EPHA5: variants seen among roughly 807,000 people sequenced by gnomAD.
The protein encoded by EPHA5 is ephrin type-A receptor 5.
A neutral mutation model predicts 105.0 loss-of-function variants in EPHA5; 60 were observed. That is an observed-to-expected ratio of 0.57 (90% confidence interval 0.46 to 0.71). The LOEUF is 0.71. EPHA5 is among the 30% of genes least tolerant of loss of function. The probability of loss-of-function intolerance (pLI) is 0.00; values close to 1 mark genes in which losing one functional copy is unlikely to be tolerated. For missense variants in EPHA5, 1,218 were observed against 1,274.7 expected, an observed-to-expected ratio of 0.96 and a Z score of 0.68; for synonymous variants, 513 against 449.1, an observed-to-expected ratio of 1.14 and a Z score of -1.80.
chr4:65,634,475 T>G (rs1407889532), intron 2 of EPHA5, among the ~76,000 whole-genome samples: 1 of 152,110 alleles, frequency 6.6e-6, no homozygotes, highest in Non-Finnish European at 1.5e-5. Context: ...TGTTTCCATG[T>G]GAGAAATCTA....
At chr4:65,669,448 G>C (rs953235662) in intron 1 of EPHA5, 114 bp downstream of exon 1, 73 of 1,250,302 alleles carry the variant, frequency 5.8e-5, no homozygotes, top group Non-Finnish European at 8.0e-6. Context: ...AATTTGAGAT[G>C]AGACTGCGAT....
At chr4:65,531,425 G>A (rs1178286722) in intron 3 of EPHA5, among the ~76,000 whole-genome samples, 1 of 152,168 alleles carries the variant, frequency 6.6e-6, no homozygotes, top group African/African-American at 2.4e-5. Flanking sequence ...GCTAGAACAG[G>A]AGTTTCTTTA....
At chr4:65,603,057 C>A (rs368920298) in intron 2 of EPHA5, among the ~76,000 whole-genome samples, 4 of 152,024 alleles carry the variant, frequency 2.6e-5, no homozygotes, top group African/African-American at 7.2e-5. Context: ...TAACTTCTTG[C>A]GATATGTTGG....
At chr4:65,514,996 A>G (rs994957331) in intron 3 of EPHA5, among the ~76,000 whole-genome samples, 1 of 152,130 alleles carries the variant, frequency 6.6e-6, no homozygotes, top group Non-Finnish European at 1.5e-5. Flanking sequence ...CAATAGCTGC[A>G]AACTCCACAA....
At chr4:65,326,950 A>C (rs1429304410) in intron 16 of EPHA5, among the ~76,000 whole-genome samples, 1 of 151,252 alleles carries the variant, frequency 6.6e-6, no homozygotes, top group Non-Finnish European at 1.5e-5. Context: ...CTTAAATTTG[A>C]AGCATGTATG....
chr4:65,589,861 G>A (rs1314872581), intron 3 of EPHA5, among the ~76,000 whole-genome samples: 2 of 152,136 alleles, frequency 1.3e-5, no homozygotes, highest in Non-Finnish European at 2.9e-5. Context: ...CATGGAAAAC[G>A]CTGGTGAAAT....
intron 11 of EPHA5, among the ~76,000 whole-genome samples, chr4:65,360,248 AG>A (rs1459930532): frequency 1.3e-5 from 2 of 151,712 alleles, no homozygotes; most frequent in African/African-American, 4.8e-5. Context: ...CATCACCCAA[AG>A]GTAAACTCTA....
At chr4:65,572,290 A>G (rs185976670) in intron 3 of EPHA5, among the ~76,000 whole-genome samples, 2 of 152,296 alleles carry the variant, frequency 1.3e-5, no homozygotes, top group South Asian at 2.1e-4. Flanking sequence ...GTTTTCAAGT[A>G]TATATACTAC....
intron 6 of EPHA5, 33 bp downstream of exon 6, chr4:65,420,408 A>C (rs1466683527): frequency 1.3e-6 from 2 of 1,528,152 alleles, no homozygotes; most frequent in East Asian, 4.8e-5. Flanking sequence ...AAAAAAAAGA[A>C]AGTGAGGACA....
At chr4:65,511,950 CAT>C (rs1420757864) in intron 3 of EPHA5, among the ~76,000 whole-genome samples, 4 of 151,886 alleles carry the variant, frequency 2.6e-5, no homozygotes, top group Non-Finnish European at 5.9e-5. Flanking sequence ...CAAGTGAAAA[CAT>C]GTGACAATAA....
At chr4:65,341,971 G>A (rs562002580) in intron 14 of EPHA5, among the ~76,000 whole-genome samples, 22 of 152,018 alleles carry the variant, frequency 1.4e-4, no homozygotes, top group Non-Finnish European at 2.6e-4. Flanking sequence ...AGATATATCC[G>A]TTTTTATTCT....
chr4:65,520,097 T>A (rs1288834082), intron 3 of EPHA5, among the ~76,000 whole-genome samples: 1 of 152,194 alleles, frequency 6.6e-6, no homozygotes, highest in Non-Finnish European at 1.5e-5. Context: ...AGAACAAAGC[T>A]GAAGGTATCA....
intron 3 of EPHA5, among the ~76,000 whole-genome samples, chr4:65,582,665 A>G (rs2149400389): frequency 6.6e-6 from 1 of 151,818 alleles, no homozygotes; most frequent in East Asian, 1.9e-4. Flanking sequence ...GAAAGAGGAA[A>G]AAAATGAATT....
At chr4:65,464,972 A>G (rs934786430) in intron 5 of EPHA5, among the ~76,000 whole-genome samples, 1 of 152,174 alleles carries the variant, frequency 6.6e-6, no homozygotes, top group Non-Finnish European at 1.5e-5. Context: ...GTTCTCAAAG[A>G]GCTTATAGCA....
intron 5 of EPHA5, among the ~76,000 whole-genome samples, chr4:65,448,535 C>A (rs1578140074): frequency 6.6e-6 from 1 of 152,168 alleles, no homozygotes; most frequent in Middle Eastern, 3.4e-3. Flanking sequence ...GTAGTCCCAG[C>A]TACTTGGGAA....
intron 5 of EPHA5, among the ~76,000 whole-genome samples, chr4:65,423,729 G>C (rs577593080): frequency 3.3e-5 from 5 of 150,032 alleles, no homozygotes; most frequent in African/African-American, 1.2e-4. Flanking sequence ...GATGCTCTAG[G>C]CTCATCTTGC....
At chr4:65,495,683 G>T in intron 3 of EPHA5, 140 bp from the exon 4 acceptor site, 1 of 618,488 alleles carries the variant, frequency 1.6e-6, no homozygotes, top group Non-Finnish European at 2.7e-6. Context: ...GTTTTCATAA[G>T]CTTCTGGATC....
intron 5 of EPHA5, among the ~76,000 whole-genome samples, chr4:65,453,255 A>G (rs144144923): frequency 4.7e-4 from 72 of 152,342 alleles, no homozygotes; most frequent in African/African-American, 1.6e-3. Flanking sequence ...ACAAATCTAC[A>G]TAAATCACTA....
intron 8 of EPHA5, among the ~76,000 whole-genome samples, chr4:65,369,225 C>A (rs1191781448): frequency 6.6e-6 from 1 of 152,116 alleles, no homozygotes; most frequent in African/African-American, 2.4e-5. Flanking sequence ...TACACAATGA[C>A]AGGTGTTTGG....
Sources: allele counts gnomAD v4.1 joint callset (sites outside exome capture counted in the v4.1 genomes callset), GRCh38; gene constraint gnomAD v4.1.1; transcripts MANE v1.5; gene names NCBI Gene and HGNC (gene_info 2026-07-23, HGNC 2026-07-21).